VPS29: variants seen among roughly 807,000 people sequenced by gnomAD.
VPS29 encodes vacuolar protein sorting-associated protein 29.
In VPS29, 2 loss-of-function variants were observed where a neutral mutation model predicts 20.0. That is an observed-to-expected ratio of 0.10 (90% CI 0.04 to 0.31). VPS29 has a LOEUF of 0.31. VPS29 is among the 10% of genes least tolerant of loss of function. The pLI is 1.00. For synonymous variants in VPS29, 81 were observed against 79.3 expected (o/e 1.02, Z -0.12); for missense variants, 120 against 215.3 (o/e 0.56, Z 2.77).
At position 110,501,510 on chromosome 12, in the gene VPS29, G is replaced by A. The variant is rs192293709; in HGVS notation, c.3+539C>T. ...TGAGAGCACACCTGCTCATCTCAATGGCAGCTAGATGTTATTTCAGGAGCG... is the reference window on the plus strand; with the variant it reads ...TGAGAGCACACCTGCTCATCTCAATAGCAGCTAGATGTTATTTCAGGAGCG... On this transcript the variant is annotated intron_variant, in intron 1 of 3. Transcript: ENST00000549578. The A allele has an allele frequency of 6.7e-4, 1,029 of 1,535,444 alleles. 14 individuals are homozygous for A. In the South Asian group the frequency reaches 8.8e-3, roughly 13 times the overall value.
intron 1 of VPS29, 136 bp from the exon 2 acceptor site, chr12:110,496,339 G>C: frequency 1.4e-6 from 1 of 728,908 alleles, no homozygotes; most frequent in Non-Finnish European, 2.1e-6. Context: ...TTCCTATCAT[G>C]ACTATTTATT....
intron 1 of VPS29, chr12:110,501,600 A>G (rs1286008798): frequency 4.4e-5 from 68 of 1,534,822 alleles, no homozygotes; most frequent in Non-Finnish European, 5.8e-5. Context: ...TCTGCTCGCT[A>G]CTTCCTGTTC....
chr12:110,494,026 T>TA (rs2062859514), intron 2 of VPS29, among the ~76,000 whole-genome samples: 1 of 152,168 alleles, frequency 6.6e-6, no homozygotes, highest in Non-Finnish European at 1.5e-5. Context: ...GAAGGTTCTA[T>TA]TATGATCCCC....
chr12:110,492,312 G>T (rs2062828843), intron 3 of VPS29, among the ~76,000 whole-genome samples, 190 bp from the exon 4 acceptor site: 1 of 152,332 alleles, frequency 6.6e-6, no homozygotes, highest in South Asian at 2.1e-4. Context: ...GCTTACGCCT[G>T]TAATCCCAGC....
chr12:110,499,595 A>T (rs2062962567), intron 1 of VPS29: 1 of 1,436,640 alleles, frequency 7.0e-7, no homozygotes, highest in Non-Finnish European at 9.8e-7. Context: ...TGAAAAAAAA[A>T]GGGTGAAACA....
chr12:110,501,914 C>T (rs756383438), intron 1 of VPS29, 135 bp downstream of exon 1: 15 of 1,578,740 alleles, frequency 9.5e-6, no homozygotes. Flanking sequence ...GGGCCTTTCC[C>T]AGGCCAGCGC....
intron 1 of VPS29, among the ~76,000 whole-genome samples, chr12:110,500,572 C>T (rs1363757097): frequency 2.0e-5 from 3 of 152,224 alleles, no homozygotes; most frequent in Middle Eastern, 3.4e-3. Flanking sequence ...TGTAAGTCCC[C>T]CTCTTGAAAA....
intron 1 of VPS29, 185 bp from the exon 2 acceptor site, chr12:110,496,388 G>A (rs1565861342): frequency 2.0e-6 from 1 of 503,392 alleles, no homozygotes; most frequent in East Asian, 3.1e-5. Context: ...TTTTCTTCAG[G>A]TCATCAGCTT....
chr12:110,495,924 G>T, intron 2 of VPS29, 88 bp downstream of exon 2: 1 of 1,262,476 alleles, frequency 7.9e-7, no homozygotes. Context: ...AACCTTACCA[G>T]TTGAGAAACC....
chr12:110,496,776 G>A (rs1196954727), intron 1 of VPS29: 3 of 152,204 alleles, frequency 2.0e-5, no homozygotes, highest in Non-Finnish European at 4.4e-5. Context: ...GTACTAGACT[G>A]ACAACTATGT....
chr12:110,501,325 T>C (rs1159259417), intron 1 of VPS29: 1 of 1,505,192 alleles, frequency 6.6e-7, no homozygotes, highest in East Asian at 2.5e-5. Flanking sequence ...TAGGTAAGTC[T>C]CCAACACCGG....
chr12:110,499,369 A>G (rs2062957691), intron 1 of VPS29: 1 of 982,628 alleles, frequency 1.0e-6, no homozygotes. Context: ...AGAAAGCAAA[A>G]GATCCTGGAA....
Position 110,492,018 on chromosome 12 carries a change from T to C in VPS29, c.536A>G (p.Tyr179Cys). ...GDDVKVERIE[Y>C]KKP ...ACAGGCCTGGCTTTAAGGTTTTTTG[T>C]ATTCGATTCGTTCTACTTTCACATC... Residue 179 changes from tyrosine to cysteine, a missense_variant, in exon 4 of 4, where the codon TAC (tyrosine) becomes TGC (cysteine). Tyr to Cys is a radical substitution (Grantham distance 194). Transcript: ENST00000549578. 1 of 1,613,708 alleles carries C rather than the reference T, an allele frequency of 6.2e-7. No homozygotes were observed. The highest frequency in any genetic ancestry group is 8.5e-7 in the Non-Finnish European group (1 of 1,179,884).
intron 2 of VPS29, among the ~76,000 whole-genome samples, chr12:110,494,617 C>T (rs1192626569): frequency 6.6e-6 from 1 of 151,940 alleles, no homozygotes; most frequent in Admixed American, 6.6e-5. Context: ...TTGGCACTGG[C>T]AGGGGTTTTA....
rs1383134327 is a variant in VPS29, at chr12:110,491,260, T to A, written c.*745A>T. 2 of 152,148 alleles carry A rather than the reference T, an allele frequency of 1.3e-5. No individual in the cohort carries two copies. Among genetic ancestry groups the A allele is most frequent in the African/African-American group, 4.8e-5 (2 of 41,390 alleles). The allele number at this position is 152,148 out of a possible 1,614,324, so 9.4% of individuals were successfully genotyped here. On this transcript the variant is annotated 3_prime_UTR_variant, in exon 4 of 4. Transcript: ENST00000549578. ...ATGCTGGCTAATTTTGTATTTTTAG[T>A]ACAGACAGGGTTTCACCATGTTGGC...
At chr12:110,495,318 A>T (rs960743904) in intron 2 of VPS29, among the ~76,000 whole-genome samples, 2 of 152,212 alleles carry the variant, frequency 1.3e-5, no homozygotes, top group African/African-American at 4.8e-5. Context: ...AACTGGAAGG[A>T]GCAAGGGTAG....
intron 2 of VPS29, among the ~76,000 whole-genome samples, chr12:110,494,314 G>A (rs556196454): frequency 5.6e-4 from 82 of 145,982 alleles, no homozygotes; most frequent in African/African-American, 1.9e-3. Context: ...GTGCAGTGGC[G>A]CGATCTCGGC....
At chr12:110,500,313 G>A (rs2135599203) in intron 1 of VPS29, among the ~76,000 whole-genome samples, 1 of 152,116 alleles carries the variant, frequency 6.6e-6, no homozygotes, top group East Asian at 1.9e-4. Context: ...ATTTTTCCCA[G>A]TTCTATTTCA....
At position 110,501,798 on chromosome 12, in the gene VPS29, G is replaced by A. The variant is rs997816268; in HGVS notation, c.3+251C>T. The A allele has an allele frequency of 9.9e-6, 11 of 1,107,452 alleles. No homozygotes were observed. The Admixed American group carries it at 1.4e-4, about 14-fold the overall frequency. 68.6% of individuals were successfully genotyped at this position (1,107,452 alleles called of 1,614,324 possible). ...CGTGACAGGTCGGGCTGCTAGAGGG[G>A]CCTTTTTACCCCTTGGATGGCCTCT... On this transcript the variant is annotated intron_variant, in intron 1 of 3. Transcript: ENST00000549578.
Sources: gnomAD v4.1 joint callset for allele counts (sites outside exome capture counted in the v4.1 genomes callset) on GRCh38, gnomAD v4.1.1 for gene constraint, MANE v1.5 for transcripts, NCBI Gene and HGNC (gene_info 2026-07-23, HGNC 2026-07-21) for gene names.